The following ARFRP1 variants were observed in gnomAD, a reference collection of about 807,000 sequenced individuals.
ARFRP1 encodes ADP-ribosylation factor-related protein 1.
Under a neutral mutation model 30.3 loss-of-function variants are expected in ARFRP1, and 19 were observed. That is an observed-to-expected ratio of 0.63 (90% CI 0.44 to 0.92). The LOEUF (loss-of-function observed/expected upper bound fraction) is 0.92, where lower values mean the gene tolerates loss of function less well. Ranked by LOEUF, ARFRP1 falls within the 40% of genes least tolerant of loss-of-function variation. The probability of loss-of-function intolerance (pLI) is 0.00; values close to 1 mark genes in which losing one functional copy is unlikely to be tolerated. For synonymous variants in ARFRP1, 133 were observed against 114.2 expected, an observed-to-expected ratio of 1.16 and a Z score of -1.05; for missense variants, 245 against 267.5, an observed-to-expected ratio of 0.92 and a Z score of 0.59.
intron 5 of ARFRP1, 108 bp from the exon 6 acceptor site, chr20:63,702,008 C>CA (rs1393188762): frequency 1.8e-5 from 19 of 1,061,062 alleles, no homozygotes; most frequent in Admixed American, 6.9e-5. Flanking sequence ...GCCCCCCCCC[C>CA]CCCCGTCACC....
At chr20:63,706,603 C>G (rs370321126) in intron 3 of ARFRP1, 48 bp downstream of exon 3, 1 of 1,544,988 alleles carries the variant, frequency 6.5e-7, no homozygotes, top group Admixed American at 1.7e-5. Flanking sequence ...GTGAATATCA[C>G]GGCATCCTCA....
chr20:63,706,251 G>A (rs1309947289), intron 4 of ARFRP1, 106 bp downstream of exon 4: 8 of 1,055,848 alleles, frequency 7.6e-6, no homozygotes, highest in African/African-American at 6.3e-5. Context: ...AAACCCGAGG[G>A]ACAGAGTGGG....
intron 4 of ARFRP1, chr20:63,705,620 A>G (rs747390861): frequency 3.8e-6 from 2 of 530,162 alleles, no homozygotes; most frequent in Non-Finnish European, 7.8e-6. Flanking sequence ...ATGTTAAGCT[A>G]GAACTGAAGG....
intron 4 of ARFRP1, chr20:63,703,725 A>C (rs972022026): frequency 6.6e-6 from 1 of 152,332 alleles, no homozygotes; most frequent in Non-Finnish European, 1.5e-5. Flanking sequence ...CAGAAGGTTC[A>C]TGTGCAACCG....
At chr20:63,701,998 G>GCCCCCCCCCCCCCCCCC (rs59166240) in intron 5 of ARFRP1, 98 bp from the exon 6 acceptor site, 20 of 585,726 alleles carry the variant, frequency 3.4e-5, no homozygotes, top group South Asian at 4.3e-5. Flanking sequence ...CACTCCCTCT[G>GCCCCCCCCCCCCCCCCC]CCCCCCCCCC....
intron 4 of ARFRP1, chr20:63,705,747 G>C: frequency 1.9e-6 from 1 of 533,214 alleles, no homozygotes; most frequent in Non-Finnish European, 3.8e-6. Flanking sequence ...ACTCACTTTG[G>C]AGGAGTGCAG....
chr20:63,704,151 G>A (rs1467300478), intron 4 of ARFRP1: 3 of 152,286 alleles, frequency 2.0e-5, no homozygotes, highest in Non-Finnish European at 4.4e-5. Context: ...CCCAGGACGA[G>A]GCCAATTCGC....
In ARFRP1 at chr20:63,706,339, C is replaced by T. The variant is rs376804407; in HGVS notation, c.264+18G>A. 58 of 1,610,708 alleles carry T rather than the reference C, an allele frequency of 3.6e-5. No individual in the cohort carries two copies. The highest frequency in any genetic ancestry group is 4.8e-5 in the Non-Finnish European group (57 of 1,178,040). Reference sequence around the variant, plus strand: ...CTGGAGGGCTGGGGTGGGGGTGGTCCTGGCCAGGGAGTCTTACCTTGTCCC... The same window carrying T: ...CTGGAGGGCTGGGGTGGGGGTGGTCTTGGCCAGGGAGTCTTACCTTGTCCC... On this transcript the variant is annotated intron_variant, in intron 4 of 7. Transcript: ENST00000622789.
At chr20:63,705,511 C>T (rs146811997) in intron 4 of ARFRP1, 284 of 439,806 alleles carry the variant, frequency 6.5e-4, no homozygotes, top group African/African-American at 5.2e-3. Context: ...GGGGAAGGGG[C>T]ACCACACTGG....
chr20:63,700,477 A>C lies in ARFRP1; in HGVS notation c.572T>G (p.Val191Gly). Residue 191 changes from valine (V) to glycine (G), a missense_variant, in exon 8 of 8, where the codon GTG becomes GGG. Coordinates refer to ENST00000622789, the MANE Select transcript of ARFRP1 (RefSeq NM_001267547.3). ...GTCCCTCTGCCGCGGCGGCCGGTGC[A>C]CATTCCGCACGACACACTTCACCAT... is the stretch of plus-strand genomic sequence containing the variant. The part of the protein sequence containing the change: ...EWMVKCVVRN[V>G]HRPPRQRDIT The C allele has an allele frequency of 6.2e-7, 1 of 1,610,236 alleles. No homozygotes were observed. The highest frequency in any genetic ancestry group is 8.5e-7 in the Non-Finnish European group (1 of 1,179,854).
intron 4 of ARFRP1, chr20:63,704,476 C>G (rs2091360729): frequency 6.6e-6 from 1 of 152,222 alleles, no homozygotes; most frequent in Admixed American, 6.5e-5. Context: ...CAGGGAGCCA[C>G]TGGCCCCACC....
Position 63,702,235 on chromosome 20 carries a change from G to A in ARFRP1, c.265-18C>T, listed in dbSNP as rs1333459324. On this transcript the variant is annotated intron_variant, in intron 4 of 7. Coordinates refer to ENST00000622789, the MANE Select transcript of ARFRP1 (RefSeq NM_001267547.3). ...GCATAATACTGGGAGGAAGCACCAG[G>A]AGTTGGGGCTCAGTCCCCACCCTGC... 1.1e-5 allele frequency: 18 copies of A among 1,607,720 alleles called. No individual in the cohort carries two copies. The highest frequency in any genetic ancestry group is 1.4e-5 in the Non-Finnish European group (16 of 1,176,594).
At chr20:63,702,327 A>G in intron 4 of ARFRP1, 110 bp from the exon 5 acceptor site, 1 of 1,052,604 alleles carries the variant, frequency 9.5e-7, no homozygotes, top group Non-Finnish European at 1.4e-6. Flanking sequence ...AAGGGGCAAG[A>G]GGGCAGCCCC....
rs1167483768 is a variant in ARFRP1, at chr20:63,698,725, C to T, written c.*1718G>A. Reference sequence around the variant, plus strand: ...CAGCTACTGGGAGGGCAGCCGGGGACACCTGAGCCGCCCGCTGTGCCCAGA... The same window carrying T: ...CAGCTACTGGGAGGGCAGCCGGGGATACCTGAGCCGCCCGCTGTGCCCAGA... On this transcript the variant is annotated 3_prime_UTR_variant, in exon 8 of 8. Coordinates refer to ENST00000622789, the MANE Select transcript of ARFRP1 (RefSeq NM_001267547.3). The T allele has an allele frequency of 5.8e-6, 5 of 868,934 alleles. No individual in the cohort carries two copies. The highest frequency in any genetic ancestry group is 8.0e-6 in the Non-Finnish European group (5 of 621,406). 53.8% of individuals were successfully genotyped at this position (868,934 alleles called of 1,614,324 possible).
Position 63,700,716 on chromosome 20 carries a change from G to A in ARFRP1, c.418-14C>T. 1 of 1,609,454 alleles carries A rather than the reference G, an allele frequency of 6.2e-7. No individual in the cohort carries two copies. Among genetic ancestry groups the A allele is most frequent in the Non-Finnish European group, 8.5e-7 (1 of 1,179,472 alleles). On this transcript the variant is annotated splice_polypyrimidine_tract_variant and intron_variant, in intron 6 of 7. Coordinates refer to ENST00000622789, the MANE Select transcript of ARFRP1 (RefSeq NM_001267547.3). ...TGAGAGGCACGTCTGGGGGAGGTAA[G>A]GCCGTGAGGAGCAGCCCCCACGTCT...
intron 4 of ARFRP1, chr20:63,705,831 C>A: frequency 2.0e-6 from 1 of 500,438 alleles, no homozygotes; most frequent in Non-Finnish European, 4.1e-6. Context: ...TCTGACTTGG[C>A]CAGCGAGGTT....
chr20:63,705,343 G>A (rs756839092), intron 4 of ARFRP1: 61 of 189,820 alleles, frequency 3.2e-4, no homozygotes, highest in Non-Finnish European at 5.8e-4. Flanking sequence ...CAGCTCTAGA[G>A]ATGGCATCAG....
intron 4 of ARFRP1, chr20:63,702,868 G>C (rs2257885): frequency 1.3e-5 from 2 of 152,594 alleles, no homozygotes; most frequent in East Asian, 3.9e-4. Flanking sequence ...ACTGACCAGC[G>C]CCATCTACGA....
At position 63,702,630 on chromosome 20, in the gene ARFRP1, A is replaced by C. The variant is rs182125620; in HGVS notation, c.265-413T>G. The C allele has an allele frequency of 9.4e-5, 19 of 202,990 alleles. 1 individual carries two copies. Among genetic ancestry groups the C allele is most frequent in the Middle Eastern group, 4.0e-3 (2 of 506 alleles). The allele number at this position is 202,990 out of a possible 1,614,324, so 12.6% of individuals were successfully genotyped here. A position where few individuals can be genotyped will look rare whatever the true frequency, so the allele number is the denominator to read the frequency against. ...GCGCCTGCAGTCCTAGCTACTCGGG[A>C]GGCTGAGGTGGGAGGATGGCTTGAG... On this transcript the variant is annotated intron_variant, in intron 4 of 7. Transcript: ENST00000622789.
Sources: gnomAD v4.1 joint callset for allele counts on GRCh38, gnomAD v4.1.1 for gene constraint, MANE v1.5 for transcripts, NCBI Gene and HGNC (gene_info 2026-07-23, HGNC 2026-07-21) for gene names.